Variants in TRAPPC11 observed in about 807,000 individuals in gnomAD.
TRAPPC11 encodes the protein trafficking protein particle complex subunit 11, also known as foie gras homolog.
TRAPPC11 carries 104 observed loss-of-function variants against 151.2 expected under a neutral mutation model. That is an observed-to-expected ratio of 0.69 (90% CI 0.59 to 0.81). The LOEUF is 0.81. TRAPPC11 is among the 30% of genes least tolerant of loss of function. TRAPPC11 has a pLI of 0.00. For synonymous variants in TRAPPC11, 456 were observed against 472.3 expected, an observed-to-expected ratio of 0.97 and a Z score of 0.45; for missense variants, 1,230 against 1,349.6, an observed-to-expected ratio of 0.91 and a Z score of 1.39.
chr4:183,680,973 G>A (rs376634219), intron 10 of TRAPPC11, among the ~76,000 whole-genome samples: 48 of 152,082 alleles, frequency 3.2e-4, no homozygotes, highest in East Asian at 2.9e-3. Flanking sequence ...AATTACAGGC[G>A]TGAGCCACCG....
At chr4:183,699,648 A>G (rs994786932) in intron 25 of TRAPPC11, among the ~76,000 whole-genome samples, 5 of 152,202 alleles carry the variant, frequency 3.3e-5, no homozygotes, top group African/African-American at 1.2e-4. Context: ...TCTACAGGTT[A>G]GAAGTCCAAA....
At position 183,694,680 on chromosome 4, in the gene TRAPPC11, A is replaced by G. The variant is rs1397208371; in HGVS notation, c.2585A>G (p.Asn862Ser). 9 of 1,608,858 alleles carry G rather than the reference A, an allele frequency of 5.6e-6. No individual in the cohort carries two copies. The highest frequency in any genetic ancestry group is 2.2e-5 in the East Asian group (1 of 44,760). ...CTTGTATATGTTTCTTACCTGATAA[A>G]TACAACCGTTGAAGAAAAAGAAATT... is the stretch of plus-strand genomic sequence containing the variant. ...MFLVYVSYLI[N>S]TTVEEKEIVC... The change falls in exon 23 of 30, where the codon AAT becomes AGT. Residue 862 changes from asparagine (N) to serine (S), a missense_variant. Transcript: ENST00000334690.
In TRAPPC11 at chr4:183,686,614, C is replaced by G. The variant is rs373417494; in HGVS notation, c.1763-4C>G. ...ATAACACAGCCCTTTTGTTTTATTT[C>G]TAGTGCAGTGCAAAGCCAAGTTTCA... On this transcript the variant is annotated splice_region_variant and splice_polypyrimidine_tract_variant and intron_variant, in intron 17 of 29. Coordinates refer to ENST00000334690, the MANE Select transcript of TRAPPC11 (RefSeq NM_021942.6). 2 of 1,613,650 alleles carry G rather than the reference C, an allele frequency of 1.2e-6. No homozygotes were observed. Among genetic ancestry groups the G allele is most frequent in the Non-Finnish European group, 1.7e-6 (2 of 1,179,812 alleles).
chr4:183,697,752 G>A lies in TRAPPC11; in HGVS notation c.2768G>A (p.Trp923Ter). 6.2e-7 allele frequency: 1 copy of A among 1,614,074 alleles called. No homozygotes were observed. The highest frequency in any genetic ancestry group is 8.5e-7 in the Non-Finnish European group (1 of 1,180,020). ...LMTDLLSASP[W>*]ALTIVSSELQ... is the part of the protein sequence containing the mutation. ...ACGGACCTCTTAAGTGCCTCACCCT[G>A]GGCCCTCACTATTGTTTCCAGTGAG... The change falls in exon 25 of 30, where the codon TGG becomes TAG. Residue 923 changes from tryptophan to a stop codon, truncating the protein, a stop_gained. Transcript: ENST00000334690. LOFTEE classifies it high-confidence loss of function.
chr4:183,674,332 C>T (rs1735300656), intron 5 of TRAPPC11, among the ~76,000 whole-genome samples: 2 of 150,184 alleles, frequency 1.3e-5, no homozygotes, highest in Admixed American at 6.7e-5. Flanking sequence ...ACACAGGAAT[C>T]GCTTGAACCA....
chr4:183,684,724 C>T lies in TRAPPC11; in HGVS notation c.1450C>T (p.Arg484Trp), dbSNP rs745311754. The T allele has an allele frequency of 2.5e-5, 40 of 1,613,752 alleles. No individual in the cohort carries two copies. The highest frequency in any genetic ancestry group is 1.3e-4 in the Admixed American group (8 of 59,964). ...GCTGGATTATGTGATGTGTGATTAT[C>T]GGAGTGAAGGATGGTGGACTCTGCT... is the stretch of plus-strand genomic sequence containing the variant. ...KLLDYVMCDY[R>W]SEGWWTLLTS... The change falls in exon 15 of 30, where the codon CGG becomes TGG. Residue 484 changes from arginine to tryptophan, a missense_variant. Transcript: ENST00000334690.
At chr4:183,710,523 T>A (rs1737291115) in intron 29 of TRAPPC11, among the ~76,000 whole-genome samples, 1 of 151,494 alleles carries the variant, frequency 6.6e-6, no homozygotes, top group Admixed American at 6.6e-5. Flanking sequence ...CCTGACCTCG[T>A]GATCCTCCCG....
chr4:183,677,143 T>C (rs931364750), intron 7 of TRAPPC11, among the ~76,000 whole-genome samples: 1 of 152,224 alleles, frequency 6.6e-6, no homozygotes, highest in Non-Finnish European at 1.5e-5. Flanking sequence ...TTTAAAATAC[T>C]TATGTTTTTT....
At chr4:183,689,696 C>G (rs1736158957) in intron 18 of TRAPPC11, among the ~76,000 whole-genome samples, 1 of 147,394 alleles carries the variant, frequency 6.8e-6, no homozygotes, top group African/African-American at 2.5e-5. Flanking sequence ...GTGATCATAA[C>G]TCATCTCAGC....
chr4:183,693,397 G>T (rs906869337), intron 20 of TRAPPC11, among the ~76,000 whole-genome samples, 192 bp from the exon 21 acceptor site: 1 of 151,954 alleles, frequency 6.6e-6, no homozygotes, highest in African/African-American at 2.4e-5. Context: ...TAGAGATGAG[G>T]GTCTTACTAT....
chr4:183,660,736 C>T (rs1198357106), intron 1 of TRAPPC11, among the ~76,000 whole-genome samples: 7 of 152,094 alleles, frequency 4.6e-5, no homozygotes, highest in Non-Finnish European at 7.4e-5. Flanking sequence ...GTTGTTGAGA[C>T]GGAGTCTTGC....
At chr4:183,707,110 T>C (rs928021479) in intron 28 of TRAPPC11, among the ~76,000 whole-genome samples, 170 bp downstream of exon 28, 7 of 152,182 alleles carry the variant, frequency 4.6e-5, no homozygotes, top group Non-Finnish European at 7.4e-5. Flanking sequence ...TAAAGGTGGG[T>C]TACCCTTGTC....
chr4:183,663,833 C>T lies in TRAPPC11; in HGVS notation c.-21-14C>T, dbSNP rs1219243280. ...TAAAAATTAATTATGAATGTATTAA[C>T]ATTTGTATTTCAGGTTTTTTGTGAC... On this transcript the variant is annotated splice_polypyrimidine_tract_variant and intron_variant, in intron 1 of 29. Transcript: ENST00000334690. The T allele has an allele frequency of 7.6e-7, 1 of 1,312,804 alleles. No homozygotes were observed. 81.3% of individuals were successfully genotyped at this position (1,312,804 alleles called of 1,614,324 possible).
In TRAPPC11 at chr4:183,679,352, G is replaced by A. The variant is rs1579181445; in HGVS notation, c.832-1G>A. ...TTTGGGATCAATTTTACATTTTGCA[G>A]ATCTGTAGGCTGTGTTTTCAACACA... On this transcript the variant is annotated splice_acceptor_variant, in intron 8 of 29. Transcript: ENST00000334690. LOFTEE classifies it high-confidence loss of function. 1 of 1,590,250 alleles carries A rather than the reference G, an allele frequency of 6.3e-7. No homozygotes were observed. Among genetic ancestry groups the A allele is most frequent in the Non-Finnish European group, 8.5e-7 (1 of 1,170,940 alleles).
rs758850982 is a variant in TRAPPC11, at chr4:183,685,150, G to A, written c.1629+5G>A. On this transcript the variant is annotated splice_donor_5th_base_variant and intron_variant, in intron 16 of 29. Coordinates refer to ENST00000334690, the MANE Select transcript of TRAPPC11 (RefSeq NM_021942.6). ...AACCTCATAAATGTTTTAATGGTAG[G>A]TTGGAATTGTTTATATAGAGTGTGT... The A allele has an allele frequency of 6.2e-7, 1 of 1,613,712 alleles. No individual in the cohort carries two copies. The highest frequency in any genetic ancestry group is 8.5e-7 in the Non-Finnish European group (1 of 1,179,722).
At chr4:183,661,279 G>A (rs759847220) in intron 1 of TRAPPC11, among the ~76,000 whole-genome samples, 5 of 150,668 alleles carry the variant, frequency 3.3e-5, no homozygotes. Context: ...TGGGGATTAG[G>A]TATTAGCCTA....
chr4:183,666,326 C>G lies in TRAPPC11; in HGVS notation c.274C>G (p.Leu92Val). ...KTGWMNKHLN[L>V]VPALVVVFYE... ...TGGCTGGATGAATAAGCATCTGAAT[C>G]TGGTGCCAGCCCTGGTGGTTGTGTT... Residue 92 changes from leucine to valine, a missense_variant, in exon 3 of 30, where the codon CTG (leucine) becomes GTG (valine). Coordinates refer to ENST00000334690, the MANE Select transcript of TRAPPC11 (RefSeq NM_021942.6). The G allele has an allele frequency of 6.2e-7, 1 of 1,614,144 alleles. No homozygotes were observed.
At chr4:183,659,615 C>T (rs1040328560) in intron 1 of TRAPPC11, among the ~76,000 whole-genome samples, 168 bp downstream of exon 1, 1 of 152,234 alleles carries the variant, frequency 6.6e-6, no homozygotes, top group Admixed American at 6.5e-5. Flanking sequence ...TCTAGGGCCT[C>T]CCAGGTTTAA....
At position 183,666,447 on chromosome 4, in the gene TRAPPC11, G is replaced by A. The variant is rs79745748; in HGVS notation, c.374+21G>A. On this transcript the variant is annotated intron_variant, in intron 3 of 29. Transcript: ENST00000334690. ...GTCAGGTATGATCTTCTGTGTCAGGGCAGCTATGTCAGTTTGCACATGTGT... is the reference window on the plus strand; with the variant it reads ...GTCAGGTATGATCTTCTGTGTCAGGACAGCTATGTCAGTTTGCACATGTGT... 22,768 of 1,608,236 alleles carry A rather than the reference G, an allele frequency of 0.014. 505 individuals carry two copies. Among genetic ancestry groups the A allele is most frequent in the East Asian group, 0.11 (4,827 of 44,748 alleles).
Sources: allele counts gnomAD v4.1 joint callset (sites outside exome capture counted in the v4.1 genomes callset), GRCh38; gene constraint gnomAD v4.1.1; transcripts MANE v1.5; gene names NCBI Gene and HGNC (gene_info 2026-07-23, HGNC 2026-07-21).